Variants in SH3PXD2B observed in about 807,000 individuals in gnomAD.
SH3PXD2B encodes the protein SH3 and PX domains 2B, also known as SH3 and PX domain-containing protein 2B.
In SH3PXD2B, 37 loss-of-function variants were observed where a neutral mutation model predicts 73.1. The observed-to-expected ratio is 0.51, with a 90% CI of 0.39 to 0.67. SH3PXD2B has a LOEUF of 0.67. SH3PXD2B is among the 30% of genes least tolerant of loss of function. The probability of loss-of-function intolerance (pLI) is 0.00; values close to 1 mark genes in which losing one functional copy is unlikely to be tolerated. For synonymous variants in SH3PXD2B, 457 were observed against 480.5 expected, an observed-to-expected ratio of 0.95 and a Z score of 0.64; for missense variants, 1,053 against 1,197.8, an observed-to-expected ratio of 0.88 and a Z score of 1.78.
At chr5:172,390,813 TTTTG>T (rs1223698101) in intron 4 of SH3PXD2B, among the ~76,000 whole-genome samples, 1,813 of 116,736 alleles carry the variant, frequency 0.016, 40 homozygotes, top group African/African-American at 0.058. Flanking sequence ...GCTTCCCGTC[TTTTG>T]TGTGTGTGTG....
chr5:172,338,279 T>C lies in SH3PXD2B; in HGVS notation c.*90A>G, dbSNP rs1157244050. ...CCCAGAGTCTGTCTGCCTTGGAAGC[T>C]GCGTGGAGAATGATAAATTAAGAGG... On this transcript the variant is annotated 3_prime_UTR_variant, in exon 13 of 13. Coordinates refer to ENST00000311601, the MANE Select transcript of SH3PXD2B (RefSeq NM_001017995.3). This position sits in a 1 kb window ranked among gnomAD's most constrained non-coding sequence, Gnocchi z 5.1. The C allele has an allele frequency of 4.4e-6, 7 of 1,607,744 alleles. No individual in the cohort carries two copies. In the East Asian group the frequency reaches 1.6e-4, roughly 36 times the overall value.
intron 10 of SH3PXD2B, 72 bp downstream of exon 10, chr5:172,350,289 ATG>A: frequency 6.8e-7 from 1 of 1,463,414 alleles, no homozygotes; most frequent in Non-Finnish European, 9.4e-7. Context: ...ATGAGGGACG[ATG>A]TGAGACGCCT....
intron 1 of SH3PXD2B, among the ~76,000 whole-genome samples, chr5:172,451,171 C>A (rs1759788035): frequency 6.6e-6 from 1 of 152,250 alleles, no homozygotes; most frequent in Admixed American, 6.5e-5. Context: ...TGATGGGCAG[C>A]CCTGAACTCC....
intron 2 of SH3PXD2B, among the ~76,000 whole-genome samples, chr5:172,420,690 G>A (rs995871968): frequency 7.2e-5 from 11 of 152,194 alleles, no homozygotes; most frequent in African/African-American, 1.9e-4. Flanking sequence ...CAGGGACCCC[G>A]GCAAGCCCAT....
At chr5:172,426,465 G>A (rs138665394) in intron 1 of SH3PXD2B, among the ~76,000 whole-genome samples, 19 of 152,348 alleles carry the variant, frequency 1.2e-4, no homozygotes, top group African/African-American at 4.1e-4. Context: ...CACCTGGCAC[G>A]CACTAGGAGT....
intron 2 of SH3PXD2B, among the ~76,000 whole-genome samples, chr5:172,416,516 C>CG (rs1481501145): frequency 6.6e-6 from 1 of 151,414 alleles, no homozygotes; most frequent in Non-Finnish European, 1.5e-5. Context: ...TTAGTAGAGA[C>CG]GGGGTTTCAC....
At chr5:172,364,103 C>G (rs780451425) in intron 6 of SH3PXD2B, among the ~76,000 whole-genome samples, 1 of 151,958 alleles carries the variant, frequency 6.6e-6, no homozygotes, top group African/African-American at 2.4e-5. Flanking sequence ...CCTGGTTAAG[C>G]GCTAAGACAT....
intron 3 of SH3PXD2B, among the ~76,000 whole-genome samples, chr5:172,405,538 G>A (rs1758533629): frequency 6.6e-6 from 1 of 152,206 alleles, no homozygotes; most frequent in Non-Finnish European, 1.5e-5. Flanking sequence ...ATGAGAGGGT[G>A]GCAGCCAGCA....
In SH3PXD2B at chr5:172,341,788, C is replaced by CT. The variant is rs540526120; in HGVS notation, c.1189-1873dup. Reference sequence around the variant, plus strand: ...GCCTCAGCCTCCCAAGTAGCTGGGACTACAGGCGCCTGCCACCGTGCCCGG... The same window carrying CT: ...GCCTCAGCCTCCCAAGTAGCTGGGACTTACAGGCGCCTGCCACCGTGCCCGG... On this transcript the variant is annotated intron_variant, in intron 12 of 12. Coordinates refer to ENST00000311601, the MANE Select transcript of SH3PXD2B (RefSeq NM_001017995.3). 1.2e-3 allele frequency among the ~76,000 whole-genome samples: 184 copies of CT among 152,108 alleles called. 1 individual carries two copies. Among genetic ancestry groups the CT allele is most frequent in the African/African-American group, 4.1e-3 (172 of 41,518 alleles).
chr5:172,440,783 A>G (rs1759536747), intron 1 of SH3PXD2B, among the ~76,000 whole-genome samples: 1 of 152,152 alleles, frequency 6.6e-6, no homozygotes, highest in South Asian at 2.1e-4. Flanking sequence ...CAATGGTGGA[A>G]GCGACAGACT....
chr5:172,345,053 AAGGAAGG>A (rs369210273), intron 12 of SH3PXD2B, among the ~76,000 whole-genome samples: 686 of 145,502 alleles, frequency 4.7e-3, no homozygotes, highest in African/African-American at 0.018. Flanking sequence ...AAGGAAAACA[AAGGAAGG>A]AGGAAGGAGG....
chr5:172,409,481 CA>C (rs1758639755), intron 2 of SH3PXD2B, among the ~76,000 whole-genome samples: 1 of 152,172 alleles, frequency 6.6e-6, no homozygotes, highest in South Asian at 2.1e-4. Flanking sequence ...CCTATCTCCC[CA>C]CTTCCCCCTA....
At position 172,339,726 on chromosome 5, in the gene SH3PXD2B, C is replaced by T. The variant is rs1230324305; in HGVS notation, c.1379G>A (p.Gly460Asp). 3 of 1,614,154 alleles carry T rather than the reference C, an allele frequency of 1.9e-6. No homozygotes were observed. Among genetic ancestry groups the T allele is most frequent in the East Asian group, 2.2e-5 (1 of 44,884 alleles). ...CCGGGAGGGGCCCGTGGCTTCGCTG[C>T]CCGTGTTGTTCTCCAGCGCTGCTGC... ...GEAAALENNTGSEATGPSRPL... is the reference protein window; with the variant it reads ...GEAAALENNTDSEATGPSRPL... Residue 460 changes from glycine (G) to aspartate (D), a missense_variant, in exon 13 of 13, where the codon GGC becomes GAC. Transcript: ENST00000311601. The surrounding 1 kb of genome is among the most constrained non-coding windows in gnomAD (Gnocchi z 6.1).
chr5:172,430,577 C>T (rs759522143), intron 1 of SH3PXD2B, among the ~76,000 whole-genome samples: 17 of 152,266 alleles, frequency 1.1e-4, no homozygotes, highest in South Asian at 2.1e-4. Flanking sequence ...GCCTGACTGG[C>T]GCCCAGGCTT....
intron 1 of SH3PXD2B, among the ~76,000 whole-genome samples, chr5:172,434,782 G>GTTTTTGTTTTTTTGTTTTT (rs1554087271): frequency 1.5e-5 from 1 of 66,350 alleles, no homozygotes; most frequent in African/African-American, 4.6e-5. Flanking sequence ...ATGGCCAATG[G>GTTTTTGTTTTTTTGTTTTT]TTTTTTTTTT....
intron 6 of SH3PXD2B, among the ~76,000 whole-genome samples, chr5:172,372,311 G>A (rs1224676919): frequency 6.6e-6 from 1 of 152,054 alleles, no homozygotes; most frequent in Non-Finnish European, 1.5e-5. Context: ...AGATCTGGTT[G>A]TTTAAAAGTG....
intron 1 of SH3PXD2B, among the ~76,000 whole-genome samples, chr5:172,431,114 A>G (rs1808650): frequency 0.45 from 68,788 of 151,886 alleles, 15,956 homozygotes; most frequent in African/African-American, 0.56. Context: ...TGACCCACCC[A>G]CCTCGGCCTC....
At chr5:172,345,595 T>A (rs989022707) in intron 12 of SH3PXD2B, among the ~76,000 whole-genome samples, 1 of 152,080 alleles carries the variant, frequency 6.6e-6, no homozygotes, top group Admixed American at 6.5e-5. Flanking sequence ...CTTGCAAATA[T>A]GAGAAAGAAA....
chr5:172,368,462 TATATATTATATATATATATAAA>T (rs1561907790), intron 6 of SH3PXD2B, among the ~76,000 whole-genome samples: 21 of 42,578 alleles, frequency 4.9e-4, no homozygotes, highest in South Asian at 9.1e-4. Context: ...CTTATATATA[TATATATTATATATATATATAAA>T]ATATATATAT....
Sources: gnomAD v4.1 joint callset for allele counts (sites outside exome capture counted in the v4.1 genomes callset) on GRCh38, gnomAD v4.1.1 for gene constraint, Gnocchi (gnomAD v3.1) non-coding constraint, MANE v1.5 for transcripts, NCBI Gene and HGNC (gene_info 2026-07-23, HGNC 2026-07-21) for gene names.